The following AP4E1 variants were observed in gnomAD, a reference collection of about 807,000 sequenced individuals.
The protein encoded by AP4E1 is AP-4 complex subunit epsilon-1.
In AP4E1, 56 loss-of-function variants were observed where a neutral mutation model predicts 128.2. The ratio of observed to expected loss-of-function variants is 0.44; its 90% CI spans 0.35 to 0.55. AP4E1 has a LOEUF of 0.55. AP4E1 is among the 20% of genes least tolerant of loss of function. The pLI is 0.00. For synonymous variants in AP4E1, 484 were observed against 473.1 expected, an observed-to-expected ratio of 1.02 and a Z score of -0.30; for missense variants, 1,324 against 1,307.7, an observed-to-expected ratio of 1.01 and a Z score of -0.19.
At position 51,004,024 on chromosome 15, in the gene AP4E1, A is replaced by AT. The variant is rs1175511567; in HGVS notation, c.*1367dup. On this transcript the variant is annotated 3_prime_UTR_variant, in exon 21 of 21. Transcript: ENST00000261842. ...AAAGCAGTATTTTCTTTCTCAATTA[A>AT]TTTTTAAGTTATTCATTAAAAAATA... 3 of 152,210 alleles carry AT rather than the reference A, an allele frequency of 2.0e-5. No homozygotes were observed. The highest frequency in any genetic ancestry group is 7.2e-5 in the African/African-American group (3 of 41,448). The allele number at this position is 152,210 out of a possible 1,614,324, so 9.4% of individuals were successfully genotyped here.
chr15:50,997,669 C>A lies in AP4E1; in HGVS notation c.2690C>A (p.Ala897Asp). 1 of 1,614,002 alleles carries A rather than the reference C, an allele frequency of 6.2e-7. No individual in the cohort carries two copies. The highest frequency in any genetic ancestry group is 1.3e-5 in the African/African-American group (1 of 75,034). ...HPPQSTAASV[A>D]KESSLASSFL... ...CCTCAATCTACTGCAGCCTCAGTTG[C>A]CAAGGAAAGCTCTTTAGCTTCATCT... The change falls in exon 18 of 21, where the codon GCC becomes GAC. Residue 897 changes from alanine to aspartate, a missense_variant. Transcript: ENST00000261842.
In AP4E1 at chr15:50,915,786, G is replaced by A. The variant is rs1147128; in HGVS notation, c.346+215G>A. 0.56 allele frequency: 311,222 copies of A among 558,304 alleles called. 87,883 individuals are homozygous for A. Among genetic ancestry groups the A allele is most frequent in the African/African-American group, 0.63 (33,211 of 53,052 alleles). The allele number at this position is 558,304 out of a possible 1,614,324, so 34.6% of individuals were successfully genotyped here. A position where few individuals can be genotyped will look rare whatever the true frequency, so the allele number is the denominator to read the frequency against. On this transcript the variant is annotated intron_variant, in intron 3 of 20. Transcript: ENST00000261842. ...TTTTGGAGTTAAAGAGAAGACTAAA[G>A]ATTTCTTGCTCTTGTGATGGCGGTT...
At position 50,925,129 on chromosome 15, in the gene AP4E1, G is replaced by A. The variant is rs1419653751; in HGVS notation, c.452G>A (p.Cys151Tyr). The A allele has an allele frequency of 2.5e-6, 4 of 1,614,044 alleles. No individual in the cohort carries two copies. The highest frequency in any genetic ancestry group is 1.7e-5 in the Admixed American group (1 of 60,024). ...CAGAGCACTAACCTAGTAGAAGTGTGTATGGCACTGACTGTTGTTAGCCAG... is the reference window on the plus strand; with the variant it reads ...CAGAGCACTAACCTAGTAGAAGTGTATATGGCACTGACTGTTGTTAGCCAG... Reference protein sequence around the residue: ...DLQSTNLVEVCMALTVVSQIF... With the variant: ...DLQSTNLVEVYMALTVVSQIF... Residue 151 changes from cysteine to tyrosine, a missense_variant, in exon 5 of 21, where the codon TGT (cysteine) becomes TAT (tyrosine). By Grantham distance (194) the Cys-to-Tyr change is radical. Transcript: ENST00000261842.
At chr15:50,933,122 A>C (rs1408766638) in intron 7 of AP4E1, among the ~76,000 whole-genome samples, 1 of 152,194 alleles carries the variant, frequency 6.6e-6, no homozygotes, top group Non-Finnish European at 1.5e-5. Context: ...ATATATACAA[A>C]GATGAGTAAG....
rs1335375483 is a variant in AP4E1, at chr15:50,993,569, C to A, written c.2290C>A (p.Gln764Lys). ...LTQSKEEKEK[Q>K]LLASSLFVGL... ...CCAATCTAAAGAGGAGAAAGAAAAG[C>A]AGCTGCTGGCATCATCATTATTTGT... The change falls in exon 17 of 21, where the codon CAG (glutamine) becomes AAG (lysine). Residue 764 changes from glutamine to lysine, a missense_variant. Transcript: ENST00000261842. 5 of 1,614,008 alleles carry A rather than the reference C, an allele frequency of 3.1e-6. No homozygotes were observed. Among genetic ancestry groups the A allele is most frequent in the East Asian group, 2.2e-5 (1 of 44,860 alleles).
chr15:50,938,261 A>G (rs1400575956), intron 8 of AP4E1, among the ~76,000 whole-genome samples: 1 of 152,088 alleles, frequency 6.6e-6, no homozygotes, highest in African/African-American at 2.4e-5. Context: ...GCAGACAAAA[A>G]CACCCCCAGA....
At chr15:50,985,238 A>T (rs1210907189) in intron 16 of AP4E1, among the ~76,000 whole-genome samples, 2 of 151,816 alleles carry the variant, frequency 1.3e-5, no homozygotes, top group Non-Finnish European at 2.9e-5. Context: ...GATTGCAAAA[A>T]TTTTTTCCCA....
Position 50,908,727 on chromosome 15 carries a change from C to G in AP4E1, c.-52C>G. On this transcript the variant is annotated 5_prime_UTR_variant, in exon 1 of 21. Transcript: ENST00000261842. ...CCGGCAGCGGCGGCCGGGCATGAAG[C>G]CGGGCGGCTACGGGATCGCGGGCGG... 2.1e-6 allele frequency: 3 copies of G among 1,461,548 alleles called. No individual in the cohort carries two copies. The South Asian group carries it at 4.2e-5, about 20-fold the overall frequency. 90.5% of individuals were successfully genotyped at this position (1,461,548 alleles called of 1,614,324 possible). A position where few individuals can be genotyped will look rare whatever the true frequency, so the allele number is the denominator to read the frequency against.
chr15:50,982,382 A>T (rs1311326896), intron 15 of AP4E1, among the ~76,000 whole-genome samples: 1 of 152,186 alleles, frequency 6.6e-6, no homozygotes, highest in Non-Finnish European at 1.5e-5. Flanking sequence ...CCTTCAAAAG[A>T]TTTAGATAAG....
intron 16 of AP4E1, among the ~76,000 whole-genome samples, chr15:50,988,860 C>A (rs2064766289): frequency 6.6e-6 from 1 of 152,144 alleles, no homozygotes; most frequent in South Asian, 2.1e-4. Context: ...TACTTTCCAG[C>A]CACCTTGAAA....
intron 7 of AP4E1, 32 bp downstream of exon 7, chr15:50,931,003 C>G: frequency 6.2e-7 from 1 of 1,610,620 alleles, no homozygotes; most frequent in South Asian, 1.1e-5. Flanking sequence ...TGCTTAATGA[C>G]CCCCATACCA....
chr15:50,948,468 C>A (rs2064095851), intron 11 of AP4E1, among the ~76,000 whole-genome samples: 1 of 150,064 alleles, frequency 6.7e-6, no homozygotes, highest in African/African-American at 2.5e-5. Context: ...ATCTTGATTT[C>A]TTTTCTGAGT....
chr15:50,946,837 T>TA (rs2064068289), intron 10 of AP4E1, among the ~76,000 whole-genome samples: 1 of 152,192 alleles, frequency 6.6e-6, no homozygotes, highest in African/African-American at 2.4e-5. Context: ...TCCTTCATCT[T>TA]ATTTGAAGCA....
At chr15:50,986,534 T>C (rs2064726683) in intron 16 of AP4E1, among the ~76,000 whole-genome samples, 1 of 152,238 alleles carries the variant, frequency 6.6e-6, no homozygotes, top group Non-Finnish European at 1.5e-5. Context: ...TTGAATTTTG[T>C]CAAAGGCCTT....
chr15:50,974,898 G>A (rs1021424147), intron 15 of AP4E1, among the ~76,000 whole-genome samples: 6 of 151,880 alleles, frequency 4.0e-5, no homozygotes, highest in Non-Finnish European at 7.4e-5. Context: ...TTGAGTCATA[G>A]GATTAACATA....
chr15:50,931,292 G>A (rs922459207), intron 7 of AP4E1, among the ~76,000 whole-genome samples: 2 of 139,406 alleles, frequency 1.4e-5, no homozygotes, highest in African/African-American at 2.7e-5. Context: ...TTAGGTGGCC[G>A]GGCATGGTGG....
Position 50,966,899 on chromosome 15 carries a change from G to T in AP4E1, c.1852-1364G>T, listed in dbSNP as rs2064401909. 2.6e-5 allele frequency among the ~76,000 whole-genome samples: 4 copies of T among 152,248 alleles called. No homozygotes were observed. The South Asian group carries it at 6.2e-4, about 24-fold the overall frequency. On this transcript the variant is annotated intron_variant, in intron 14 of 20. Transcript: ENST00000261842. ...AGAGTGAGGTGCCATTTTTATGTTT[G>T]ATAATTATTTGCTATTCTAAATTAT...
intron 16 of AP4E1, among the ~76,000 whole-genome samples, chr15:50,990,311 T>G (rs2064786567): frequency 6.7e-6 from 1 of 149,556 alleles, no homozygotes. Context: ...GTTGCTTTCT[T>G]ATGTATTTTC....
intron 3 of AP4E1, among the ~76,000 whole-genome samples, chr15:50,919,233 AAAAT>A (rs2063664825): frequency 1.4e-5 from 2 of 146,936 alleles, no homozygotes; most frequent in South Asian, 4.3e-4. Flanking sequence ...CTGTCTCAAA[AAAAT>A]AAATAAATAA....
Sources: gnomAD v4.1 joint callset for allele counts (sites outside exome capture counted in the v4.1 genomes callset) on GRCh38, gnomAD v4.1.1 for gene constraint, MANE v1.5 for transcripts, NCBI Gene and HGNC (gene_info 2026-07-23, HGNC 2026-07-21) for gene names.